LMO7: variants seen among roughly 807,000 people sequenced by gnomAD.
LMO7 encodes LIM domain 7, also known as LIM domain only protein 7.
Under a neutral mutation model 206.5 loss-of-function variants are expected in LMO7, and 120 were observed. The ratio of observed to expected loss-of-function variants is 0.58; its 90% CI spans 0.50 to 0.68. LMO7 has a LOEUF of 0.68. LMO7 is among the 30% of genes least tolerant of loss of function. The pLI is 0.00. For synonymous variants in LMO7, 706 were observed against 681.5 expected, an observed-to-expected ratio of 1.04 and a Z score of -0.56; for missense variants, 1,959 against 1,957.9, an observed-to-expected ratio of 1.00 and a Z score of -0.01.
intron 11 of LMO7, among the ~76,000 whole-genome samples, 154 bp downstream of exon 11, chr13:75,809,337 G>A (rs902623795): frequency 2.0e-5 from 3 of 152,058 alleles, no homozygotes; most frequent in African/African-American, 7.2e-5. Flanking sequence ...CAACCTAATG[G>A]TAATATTTCT....
At chr13:75,812,019 A>G (rs9544047) in intron 11 of LMO7, among the ~76,000 whole-genome samples, 20,937 of 152,112 alleles carry the variant, frequency 0.14, 1,821 homozygotes, top group Admixed American at 0.22. Context: ...AAAAAAGCCA[A>G]TTTCGGTTAT....
At chr13:75,762,846 A>G (rs2048368282) in intron 4 of LMO7, among the ~76,000 whole-genome samples, 1 of 152,130 alleles carries the variant, frequency 6.6e-6, no homozygotes, top group African/African-American at 2.4e-5. Context: ...CAAAAAGCAA[A>G]GGGGTTGACC....
intron 1 of LMO7, among the ~76,000 whole-genome samples, chr13:75,689,426 C>A (rs1336316320): frequency 1.3e-5 from 2 of 152,108 alleles, no homozygotes; most frequent in African/African-American, 4.8e-5. Flanking sequence ...TCAATTTTTC[C>A]AGTGTAGAGC....
chr13:75,624,073 G>A (rs1309711806), intron 2 of LMO7, among the ~76,000 whole-genome samples: 10 of 152,086 alleles, frequency 6.6e-5, no homozygotes, highest in African/African-American at 1.9e-4. Flanking sequence ...TGCTTCAATG[G>A]TTTGCTTCTG....
intron 3 of LMO7, among the ~76,000 whole-genome samples, chr13:75,750,763 G>A (rs534081893): frequency 1.6e-4 from 24 of 152,226 alleles, no homozygotes; most frequent in Non-Finnish European, 3.1e-4. Flanking sequence ...TGAATTTTTG[G>A]CAGGCTCCCA....
Position 75,656,768 on chromosome 13 carries a change from C to T in LMO7, c.69+20042C>T, listed in dbSNP as rs367937126. ...ATGTAAAAGCTCAGCTCAGGACTGG[C>T]ATACAGTCATTCTCCCTGAGGACCC... is the stretch of plus-strand genomic sequence containing the variant. On this transcript the variant is annotated intron_variant, in intron 1 of 30. Coordinates refer to ENST00000377534, the MANE Select transcript of LMO7 (RefSeq NM_001306080.2). 3.9e-5 allele frequency among the ~76,000 whole-genome samples: 6 copies of T among 152,242 alleles called. No individual in the cohort carries two copies. In the South Asian group the frequency reaches 8.3e-4, roughly 21 times the overall value.
Position 75,858,095 on chromosome 13 carries a change from G to A in LMO7, c.*152G>A, listed in dbSNP as rs1216992864. 1.4e-5 allele frequency: 10 copies of A among 697,316 alleles called. No homozygotes were observed. Among genetic ancestry groups the A allele is most frequent in the South Asian group, 2.3e-5 (1 of 43,364 alleles). 43.2% of individuals were successfully genotyped at this position (697,316 alleles called of 1,614,324 possible). A position where few individuals can be genotyped will look rare whatever the true frequency, so the allele number is the denominator to read the frequency against. ...CCTCTTTAGATTACATAGAAGCATT[G>A]TAGTCTTGGTAGAACCAGTATTTTT... On this transcript the variant is annotated 3_prime_UTR_variant, in exon 31 of 31. Transcript: ENST00000377534.
chr13:75,762,380 G>A (rs1454060460), intron 4 of LMO7, among the ~76,000 whole-genome samples: 1 of 152,042 alleles, frequency 6.6e-6, no homozygotes, highest in Non-Finnish European at 1.5e-5. Flanking sequence ...TTCTTCATAA[G>A]GCCTATCTGA....
rs1593869359 is a variant in LMO7 at position 75,629,178 on chromosome 13, C to T, written c.225+5858C>T. On this transcript the variant is annotated intron_variant, in intron 2 of 29. Transcript: ENST00000341547. ...TCAATTGCCTTTCTGTTGAGAGACC[C>T]TCCTGTAAGGAAATTCTTGTATCAG... Among the ~76,000 whole-genome samples the T allele has an allele frequency of 3.3e-5, 5 of 152,280 alleles. No individual in the cohort carries two copies. The South Asian group carries it at 1.0e-3, about 32-fold the overall frequency.
intron 4 of LMO7, among the ~76,000 whole-genome samples, chr13:75,790,825 C>T (rs2053174328): frequency 6.6e-6 from 1 of 152,016 alleles, no homozygotes; most frequent in African/African-American, 2.4e-5. Flanking sequence ...CAGAGCTATT[C>T]CATTAATAGA....
intron 3 of LMO7, among the ~76,000 whole-genome samples, chr13:75,758,299 A>G (rs1023608134): frequency 3.9e-5 from 6 of 152,260 alleles, no homozygotes; most frequent in Middle Eastern, 3.4e-3. Flanking sequence ...AACTGTCATG[A>G]AAATTTTATT....
intron 1 of LMO7, among the ~76,000 whole-genome samples, chr13:75,708,043 G>A (rs2042791168): frequency 6.6e-6 from 1 of 152,152 alleles, no homozygotes; most frequent in Non-Finnish European, 1.5e-5. Flanking sequence ...ATGCGGAGGT[G>A]TGTTTCTGAG....
intron 1 of LMO7, among the ~76,000 whole-genome samples, chr13:75,669,497 A>G (rs2039362762): frequency 6.6e-6 from 1 of 152,164 alleles, no homozygotes; most frequent in African/African-American, 2.4e-5. Context: ...GGAGATGCGA[A>G]GGTATGAGAG....
At chr13:75,781,655 G>A (rs2140328660) in intron 4 of LMO7, among the ~76,000 whole-genome samples, 1 of 150,138 alleles carries the variant, frequency 6.7e-6, no homozygotes, top group East Asian at 2.0e-4. Flanking sequence ...TAATGGGATG[G>A]TTGGGTCAAA....
intron 1 of LMO7, among the ~76,000 whole-genome samples, chr13:75,695,817 C>G (rs1286888624): frequency 6.6e-6 from 1 of 152,184 alleles, no homozygotes; most frequent in Non-Finnish European, 1.5e-5. Flanking sequence ...TTTAATAAAG[C>G]TGACAGACTA....
At chr13:75,769,207 A>C (rs963240304) in intron 4 of LMO7, among the ~76,000 whole-genome samples, 3 of 152,022 alleles carry the variant, frequency 2.0e-5, no homozygotes, top group African/African-American at 7.2e-5. Context: ...TTTAGAGTTT[A>C]GGTTAATGGA....
chr13:75,818,603 G>T (rs2057285028), intron 12 of LMO7, among the ~76,000 whole-genome samples: 1 of 152,144 alleles, frequency 6.6e-6, no homozygotes, highest in Admixed American at 6.5e-5. Context: ...GCAAGGTTAG[G>T]CTTAACGTTC....
chr13:75,805,745 A>C lies in LMO7; in HGVS notation c.1181A>C (p.Glu394Ala), dbSNP rs779769550. ...GAAACTTATAAGCCATGGTATAAAG[A>C]ATTTCAGGGATTCAGGTTTGTCGTT... ...KRETYKPWYK[E>A]FQGFSQFLLL... Residue 394 changes from glutamate to alanine, a missense_variant, in exon 9 of 31, where the codon GAA (glutamate) becomes GCA (alanine). Transcript: ENST00000377534. The C allele has an allele frequency of 6.2e-7, 1 of 1,613,518 alleles. No individual in the cohort carries two copies. Among genetic ancestry groups the C allele is most frequent in the Non-Finnish European group, 8.5e-7 (1 of 1,179,692 alleles).
chr13:75,832,208 C>T (rs73227995), intron 15 of LMO7, among the ~76,000 whole-genome samples: 50 of 152,192 alleles, frequency 3.3e-4, no homozygotes, highest in Middle Eastern at 3.4e-3. Context: ...TTTGCACAGA[C>T]GTAGTATACT....
Sources: gnomAD v4.1 joint callset for allele counts (sites outside exome capture counted in the v4.1 genomes callset) on GRCh38, gnomAD v4.1.1 for gene constraint, MANE v1.5 for transcripts, NCBI Gene and HGNC (gene_info 2026-07-23, HGNC 2026-07-21) for gene names.